Variants in MSN observed in about 807,000 individuals in gnomAD.
MSN encodes the protein moesin, also known as epididymis luminal protein 70.
Under a neutral mutation model 48.0 loss-of-function variants are expected in MSN, and 2 were observed. The ratio of observed to expected loss-of-function variants is 0.04; its 90% CI spans 0.02 to 0.13. The LOEUF (loss-of-function observed/expected upper bound fraction) is 0.13. MSN is among the 10% of genes least tolerant of loss of function. The pLI, the probability that MSN is intolerant of heterozygous loss-of-function variation, is 1.00. For missense variants in MSN, 267 were observed against 470.1 expected, an observed-to-expected ratio of 0.57 and a Z score of 3.99; for synonymous variants, 146 against 166.9, an observed-to-expected ratio of 0.87 and a Z score of 0.97.
intron 1 of MSN, chrX:65,593,194 C>T (rs1337738469): frequency 9.2e-6 from 1 of 108,708 alleles, no homozygotes; most frequent in African/African-American, 3.4e-5. Context: ...CATGTTTTTT[C>T]CTCCCTCCTT....
chrX:65,616,884 A>G (rs1569454357), intron 1 of MSN, among the ~76,000 whole-genome samples: 1 of 110,762 alleles, frequency 9.0e-6, no homozygotes, highest in Non-Finnish European at 1.9e-5. Flanking sequence ...ACGTCCCATC[A>G]ATACCTAATT....
chrX:65,722,441 G>T (rs1346273194), intron 2 of MSN, among the ~76,000 whole-genome samples: 5 of 107,841 alleles, frequency 4.6e-5, no homozygotes, highest in Non-Finnish European at 1.9e-5. Context: ...GTGTGTGTGT[G>T]TTTGGAGACA....
intron 1 of MSN, among the ~76,000 whole-genome samples, chrX:65,647,438 C>G (rs1405478790): frequency 1.8e-5 from 2 of 111,925 alleles, no homozygotes; most frequent in Non-Finnish European, 3.8e-5. Flanking sequence ...GTCTCGAACT[C>G]CTGACCTCGT....
rs187072737 is a variant in MSN, at chrX:65,606,951, G to T, written c.-22+18339G>T. On this transcript the variant is annotated intron_variant, in intron 1 of 3. Transcript: ENST00000609672. ...TTGCCTTCATGGAGCTTATATTCCA[G>T]TGGGTCACACACTGAGTGGCAGGAA... 1.9e-3 allele frequency among the ~76,000 whole-genome samples: 217 copies of T among 112,572 alleles called. 1 individual carries two copies. Among genetic ancestry groups the T allele is most frequent in the African/African-American group, 6.4e-3 (199 of 31,028 alleles).
chrX:65,628,831 G>A (rs1359393521), intron 1 of MSN, among the ~76,000 whole-genome samples: 3 of 110,381 alleles, frequency 2.7e-5, no homozygotes, highest in African/African-American at 3.3e-5. Context: ...TTGGGAGGCC[G>A]AGGTGGGCGG....
rs957310124 is a variant in MSN at position 65,667,952 on chromosome X, T to A, written c.12+99T>A. On this transcript the variant is annotated intron_variant, in intron 1 of 12. Transcript: ENST00000360270. ...GGGCTTGGCCAGCCACCGGCCCGCC[T>A]GGGACGCCGCGCCCTCCGCCATAGC... 5.6e-4 allele frequency: 538 copies of A among 958,477 alleles called. 1 individual carries two copies. The highest frequency in any genetic ancestry group is 1.6e-3 in the Admixed American group (64 of 39,079). The allele number at this position is 958,477 out of a possible 1,213,427, so 79.0% of individuals were successfully genotyped here.
intron 1 of MSN, among the ~76,000 whole-genome samples, chrX:65,685,745 C>T (rs1394001376): frequency 9.0e-6 from 1 of 111,650 alleles, no homozygotes; most frequent in Non-Finnish European, 1.9e-5. Flanking sequence ...ACCACTGTGC[C>T]TGGCCAATTT....
intron 1 of MSN, among the ~76,000 whole-genome samples, chrX:65,703,612 G>A (rs1419164099): frequency 9.0e-6 from 1 of 111,329 alleles, no homozygotes; most frequent in African/African-American, 3.3e-5. Context: ...ACAGGATAGA[G>A]TGCAGTGGCA....
chrX:65,599,257 T>C (rs1438326716), intron 1 of MSN, among the ~76,000 whole-genome samples: 1 of 106,328 alleles, frequency 9.4e-6, no homozygotes, highest in Non-Finnish European at 1.9e-5. Context: ...ATTGCACCAT[T>C]GCATTACAGC....
At chrX:65,608,886 A>T (rs2070298281) in intron 1 of MSN, among the ~76,000 whole-genome samples, 1 of 110,420 alleles carries the variant, frequency 9.1e-6, no homozygotes, top group Non-Finnish European at 1.9e-5. Flanking sequence ...TGCTCAAGAA[A>T]TGGTTACTAC....
At position 65,741,544 on chromosome X, in the gene MSN, C is replaced by T. The variant is rs1320286292; in HGVS notation, c.*1651C>T. The T allele has an allele frequency of 6.0e-6, 1 of 167,785 alleles. No individual in the cohort carries two copies. The highest frequency in any genetic ancestry group is 3.0e-5 in the African/African-American group (1 of 33,283). 13.8% of individuals were successfully genotyped at this position (167,785 alleles called of 1,213,427 possible). A position where few individuals can be genotyped will look rare whatever the true frequency, so the allele number is the denominator to read the frequency against. Reference sequence around the variant, plus strand: ...TACTTGTTATTTGTTTTTATTATTACTGTTTGTCTTCTCCCCAGGGTTCAG... The same window carrying T: ...TACTTGTTATTTGTTTTTATTATTATTGTTTGTCTTCTCCCCAGGGTTCAG... On this transcript the variant is annotated 3_prime_UTR_variant, in exon 13 of 13. Coordinates refer to ENST00000360270, the MANE Select transcript of MSN (RefSeq NM_002444.3).
At position 65,667,659 on chromosome X, in the gene MSN, T is replaced by C. The variant is rs1354005441; in HGVS notation, c.-183T>C. On this transcript the variant is annotated 5_prime_UTR_variant, in exon 1 of 13. Transcript: ENST00000360270. ...GCGGGCGGCGCGACAGGGGCGGCTC[T>C]TTCCTGGGTGGGGTTTGTGAAGTCG... The C allele has an allele frequency of 3.8e-6, 4 of 1,049,231 alleles. No individual in the cohort carries two copies. In the African/African-American group the frequency reaches 5.7e-5, roughly 15 times the overall value. The allele number at this position is 1,049,231 out of a possible 1,213,427, so 86.5% of individuals were successfully genotyped here. A position where few individuals can be genotyped will look rare whatever the true frequency, so the allele number is the denominator to read the frequency against.
Position 65,716,880 on chromosome X carries a change from C to G in MSN, c.75C>G (p.Thr25=), listed in dbSNP as rs368380881. The change falls in exon 2 of 13, where the codon ACC becomes ACG. Residue 25 remains threonine (T), a synonymous_variant. Transcript: ENST00000360270. ...AGTTTGCCATCCAGCCCAACACCACCGGGAAGCAGCTATTTGACCAGGTAA... is the reference window on the plus strand; with the variant it reads ...AGTTTGCCATCCAGCCCAACACCACGGGGAAGCAGCTATTTGACCAGGTAA... The part of the protein sequence containing the change: ...ELEFAIQPNT[T]GKQLFDQVVK... 7.4e-6 allele frequency: 9 copies of G among 1,210,355 alleles called. No homozygotes were observed. Among genetic ancestry groups the G allele is most frequent in the Non-Finnish European group, 8.9e-6 (8 of 894,941 alleles).
intron 2 of MSN, among the ~76,000 whole-genome samples, chrX:65,726,228 A>G (rs984066652): frequency 9.0e-6 from 1 of 111,666 alleles, no homozygotes; most frequent in Non-Finnish European, 1.9e-5. Flanking sequence ...AGGAGAGACA[A>G]GGCAATTAAT....
intron 3 of MSN, 151 bp downstream of exon 3, chrX:65,728,060 C>T (rs1267420634): frequency 6.7e-6 from 3 of 446,941 alleles, no homozygotes; most frequent in African/African-American, 2.4e-5. Flanking sequence ...GAATAAGGAC[C>T]GAGGACACAA....
chrX:65,611,907 T>C (rs1244151793), intron 1 of MSN, among the ~76,000 whole-genome samples: 1 of 112,308 alleles, frequency 8.9e-6, no homozygotes, highest in Non-Finnish European at 1.9e-5. Context: ...ATCCTAATGG[T>C]TGTGAAGTGG....
intron 1 of MSN, among the ~76,000 whole-genome samples, chrX:65,689,173 A>G (rs2147471898): frequency 8.9e-6 from 1 of 111,747 alleles, no homozygotes; most frequent in Non-Finnish European, 1.9e-5. Context: ...CCTGTTCCAC[A>G]AGAGGTTGGT....
intron 1 of MSN, among the ~76,000 whole-genome samples, chrX:65,692,916 G>A (rs1263748156): frequency 9.0e-6 from 1 of 111,648 alleles, no homozygotes; most frequent in African/African-American, 3.3e-5. Flanking sequence ...CTGGCCTCAG[G>A]TGATCCTCCC....
intron 1 of MSN, among the ~76,000 whole-genome samples, chrX:65,708,696 A>G (rs2071386065): frequency 1.9e-5 from 2 of 104,590 alleles, no homozygotes; most frequent in Non-Finnish European, 2.0e-5. Flanking sequence ...TTATTTATTT[A>G]TTTTGAGACG....
Sources: allele counts gnomAD v4.1 joint callset (sites outside exome capture counted in the v4.1 genomes callset), GRCh38; gene constraint gnomAD v4.1.1; transcripts MANE v1.5; gene names NCBI Gene and HGNC (gene_info 2026-07-23, HGNC 2026-07-21).